Variants in CALD1 observed in about 807,000 individuals in gnomAD.
The protein encoded by CALD1 is caldesmon.
In CALD1, 33 loss-of-function variants were observed where a neutral mutation model predicts 99.9. The observed-to-expected ratio is 0.33, with a 90% CI of 0.25 to 0.44. The LOEUF is 0.44. Ranked by LOEUF, CALD1 falls within the 20% of genes least tolerant of loss-of-function variation. The probability of loss-of-function intolerance (pLI) is 1.00; values close to 1 mark genes in which losing one functional copy is unlikely to be tolerated. For missense variants in CALD1, 861 were observed against 962.1 expected (o/e 0.89, Z 1.39); for synonymous variants, 310 against 325.0 (o/e 0.95, Z 0.50).
At chr7:134,889,881 A>G (rs886198159) in intron 3 of CALD1, among the ~76,000 whole-genome samples, 5 of 152,200 alleles carry the variant, frequency 3.3e-5, no homozygotes, top group Admixed American at 6.5e-5. Context: ...TATTTACTCT[A>G]TAAACTATGA....
chr7:134,794,686 C>T (rs546586914), intron 1 of CALD1, among the ~76,000 whole-genome samples: 7 of 152,224 alleles, frequency 4.6e-5, no homozygotes, highest in African/African-American at 1.7e-4. Context: ...GGGGTTTCAC[C>T]ATGTTGGCCA....
chr7:134,736,886 T>C, the CALD1 span, among the ~76,000 whole-genome samples: 1,236 of 152,272 alleles, frequency 8.1e-3, 65 homozygotes, highest in Admixed American at 0.074. Flanking sequence ...ATGCTGTCTT[T>C]TCTATATTAA....
intron 1 of CALD1, among the ~76,000 whole-genome samples, chr7:134,791,670 A>AAAACAAT (rs1318774799): frequency 2.2e-5 from 3 of 134,562 alleles, no homozygotes; most frequent in African/African-American, 7.9e-5. Context: ...TGAAAAACAA[A>AAAACAAT]AAACAAAAAA....
At chr7:134,742,763 T>C (rs908883613), upstream of CALD1, among the ~76,000 whole-genome samples, 2 of 152,242 alleles carry the variant, frequency 1.3e-5, no homozygotes, top group Non-Finnish European at 2.9e-5. Context: ...CCCTTTGCCC[T>C]GTCTCCACTG....
the CALD1 span, among the ~76,000 whole-genome samples, chr7:134,716,267 G>C: frequency 6.6e-6 from 1 of 152,168 alleles, no homozygotes; most frequent in African/African-American, 2.4e-5. Flanking sequence ...TAAACCATCT[G>C]TTTAAACAAT....
chr7:134,745,040 T>C (rs935674205), intron 1 of CALD1, among the ~76,000 whole-genome samples: 1 of 152,252 alleles, frequency 6.6e-6, no homozygotes, highest in African/African-American at 2.4e-5. Flanking sequence ...GATTTCACTT[T>C]GTACCTCCAC....
At chr7:134,785,692 C>T (rs1285331192) in intron 1 of CALD1, among the ~76,000 whole-genome samples, 1 of 152,154 alleles carries the variant, frequency 6.6e-6, no homozygotes, top group Non-Finnish European at 1.5e-5. Flanking sequence ...GATACATATG[C>T]ATTCTAGGGT....
At chr7:134,786,656 T>C (rs977675548) in intron 1 of CALD1, among the ~76,000 whole-genome samples, 1 of 152,230 alleles carries the variant, frequency 6.6e-6, no homozygotes, top group African/African-American at 2.4e-5. Context: ...AATAAATATT[T>C]GTTGAATGAA....
intron 3 of CALD1, among the ~76,000 whole-genome samples, chr7:134,887,488 C>G (rs140067954): frequency 6.6e-6 from 1 of 152,188 alleles, no homozygotes; most frequent in Non-Finnish European, 1.5e-5. Flanking sequence ...TTCAAACGTC[C>G]CCTTTGTACT....
chr7:134,854,128 T>C (rs890397265), intron 2 of CALD1, among the ~76,000 whole-genome samples: 16 of 152,142 alleles, frequency 1.1e-4, no homozygotes, highest in Admixed American at 3.3e-4. Flanking sequence ...GACATTTGGG[T>C]TGGTTCCAAG....
rs149334489 is a variant in CALD1 at position 134,879,927 on chromosome 7, A to G, written c.71+12123A>G. Among the ~76,000 whole-genome samples, 262 of 152,330 alleles carry G rather than the reference A, an allele frequency of 1.7e-3. 2 individuals carry two copies. Among genetic ancestry groups the G allele is most frequent in the African/African-American group, 5.9e-3 (245 of 41,558 alleles). On this transcript the variant is annotated intron_variant, in intron 3 of 14. Coordinates refer to ENST00000361675, the MANE Select transcript of CALD1 (RefSeq NM_033138.4). Reference sequence around the variant, plus strand: ...GGATAAAAATCTCAGTAAAGTACACATCGGTCACTATAAATAGCAGCTACA... The same window carrying G: ...GGATAAAAATCTCAGTAAAGTACACGTCGGTCACTATAAATAGCAGCTACA...
chr7:134,732,076 G>A, the CALD1 span, among the ~76,000 whole-genome samples: 1 of 152,082 alleles, frequency 6.6e-6, no homozygotes, highest in Non-Finnish European at 1.5e-5. Context: ...TCTGTTTGTT[G>A]TTTTCTTTTT....
intron 3 of CALD1, among the ~76,000 whole-genome samples, chr7:134,923,814 A>T (rs946112803): frequency 1.3e-5 from 2 of 152,224 alleles, no homozygotes; most frequent in African/African-American, 4.8e-5. Context: ...GTCGATGATT[A>T]TCAAAAGCCT....
At chr7:134,792,156 C>A (rs34667373) in intron 1 of CALD1, among the ~76,000 whole-genome samples, 5 of 152,154 alleles carry the variant, frequency 3.3e-5, no homozygotes, top group Non-Finnish European at 7.3e-5. Flanking sequence ...AAGGTGTCAG[C>A]AGGGTTGGTT....
At chr7:134,845,928 T>G (rs191902070) in intron 2 of CALD1, among the ~76,000 whole-genome samples, 1 of 152,362 alleles carries the variant, frequency 6.6e-6, no homozygotes, top group Non-Finnish European at 1.5e-5. Flanking sequence ...TTTTTGGACC[T>G]ATTTTGTTCC....
chr7:134,958,891 A>ATATATATATTTAACTAT (rs1563134110), intron 11 of CALD1, among the ~76,000 whole-genome samples: 1 of 142,292 alleles, frequency 7.0e-6, no homozygotes, highest in Non-Finnish European at 1.5e-5. Flanking sequence ...ATATATATAT[A>ATATATATATTTAACTAT]TATATATATA....
chr7:134,783,119 G>A lies in CALD1; in HGVS notation c.-130+3370G>A, dbSNP rs988385783. On this transcript the variant is annotated intron_variant, in intron 1 of 14. Transcript: ENST00000361675. The surrounding 1 kb of genome is among the most constrained non-coding windows in gnomAD (Gnocchi z 4.3). ...AAAAGCATGGAATGAACCCCGGAAC[G>A]TCATGCCTGGGCCTTGTAGGAAGGG... Among the ~76,000 whole-genome samples the A allele has an allele frequency of 6.6e-6, 1 of 152,170 alleles. No individual in the cohort carries two copies. Among genetic ancestry groups the A allele is most frequent in the Non-Finnish European group, 1.5e-5 (1 of 68,032 alleles).
At chr7:134,835,980 A>G (rs769611724) in intron 1 of CALD1, among the ~76,000 whole-genome samples, 3 of 151,898 alleles carry the variant, frequency 2.0e-5, no homozygotes, top group Non-Finnish European at 4.4e-5. Context: ...CCCCGTCTCT[A>G]CTAAAAATAC....
At chr7:134,819,298 G>A (rs1798678627) in intron 1 of CALD1, among the ~76,000 whole-genome samples, 1 of 152,086 alleles carries the variant, frequency 6.6e-6, no homozygotes, top group South Asian at 2.1e-4. Context: ...CACTTCCTAA[G>A]GAAAGCTTAA....
Sources: allele counts gnomAD v4.1 joint callset (sites outside exome capture counted in the v4.1 genomes callset), GRCh38; gene constraint gnomAD v4.1.1; non-coding constraint Gnocchi (gnomAD v3.1); transcripts MANE v1.5; gene names NCBI Gene and HGNC (gene_info 2026-07-23, HGNC 2026-07-21).